Variants in ADCY1 observed in about 807,000 individuals in gnomAD.
The protein encoded by ADCY1 is adenylate cyclase type 1.
Under a neutral mutation model 105.4 loss-of-function variants are expected in ADCY1, and 28 were observed. The observed-to-expected ratio is 0.27, with a 90% CI of 0.20 to 0.36. The LOEUF is 0.36. Among genes scored for constraint, ADCY1 ranks in the 10% least tolerant of loss-of-function variants. The probability of loss-of-function intolerance (pLI) is 1.00; values close to 1 mark genes in which losing one functional copy is unlikely to be tolerated. For missense variants in ADCY1, 977 were observed against 1,434.2 expected, an observed-to-expected ratio of 0.68 and a Z score of 5.15; for synonymous variants, 655 against 623.8, an observed-to-expected ratio of 1.05 and a Z score of -0.75.
chr7:45,661,549 T>G (rs138680701), intron 7 of ADCY1, among the ~76,000 whole-genome samples: 1,783 of 151,906 alleles, frequency 0.012, 13 homozygotes, highest in Middle Eastern at 0.031. Flanking sequence ...CCCCAGCGGG[T>G]GAGTGGGTGA....
intron 1 of ADCY1, among the ~76,000 whole-genome samples, chr7:45,584,297 G>A (rs1792653674): frequency 6.6e-6 from 1 of 152,156 alleles, no homozygotes; most frequent in South Asian, 2.1e-4. Context: ...CCTGCTGCGT[G>A]TGGCACACCC....
chr7:45,661,430 G>A (rs943501521), intron 7 of ADCY1, among the ~76,000 whole-genome samples: 1 of 152,022 alleles, frequency 6.6e-6, no homozygotes, highest in Non-Finnish European at 1.5e-5. Flanking sequence ...TGCTGTGGGG[G>A]TGCAGGAACT....
At chr7:45,711,966 A>G (rs1458690092) in intron 19 of ADCY1, among the ~76,000 whole-genome samples, 2 of 66,850 alleles carry the variant, frequency 3.0e-5, no homozygotes, top group Non-Finnish European at 6.6e-5. Flanking sequence ...TAAATATATA[A>G]ATACATATTA....
chr7:45,697,121 A>C (rs370710873), intron 14 of ADCY1, among the ~76,000 whole-genome samples: 1 of 152,144 alleles, frequency 6.6e-6, no homozygotes, highest in Admixed American at 6.5e-5. Flanking sequence ...AGCTTGATCA[A>C]TTTCCAGCAG....
In ADCY1 at chr7:45,591,391, C is replaced by T. The variant is rs943878199; in HGVS notation, c.640-1368C>T. ...TCTACCTCCTGGACTCGCTTGGTCC[C>T]CGTCAGGTGGCAGCTGCTCCCCACA... On this transcript the variant is annotated intron_variant, in intron 1 of 19. Transcript: ENST00000297323. The surrounding 1 kb of genome is among the most constrained non-coding windows in gnomAD (Gnocchi z 4.1). 3.3e-5 allele frequency among the ~76,000 whole-genome samples: 5 copies of T among 152,208 alleles called. No homozygotes were observed. Among genetic ancestry groups the T allele is most frequent in the African/African-American group, 9.6e-5 (4 of 41,452 alleles).
chr7:45,712,800 C>T (rs1020210110), intron 19 of ADCY1, among the ~76,000 whole-genome samples: 6 of 152,202 alleles, frequency 3.9e-5, no homozygotes, highest in African/African-American at 1.2e-4. Context: ...CCTCTGTTCA[C>T]AGGACTCATT....
Position 45,574,631 on chromosome 7 carries a change from C to G in ADCY1, c.88C>G (p.Arg30Gly), listed in dbSNP as rs1009405655. Reference sequence around the variant, plus strand: ...CGAGCGGGCGGCCGGGACAAGCCGCCGGCGCGGGCTCCGGGCGTGCGACGA... The same window carrying G: ...CGAGCGGGCGGCCGGGACAAGCCGCGGGCGCGGGCTCCGGGCGTGCGACGA... ...GAERAAGTSR[R>G]RGLRACDEEF... Residue 30 changes from arginine to glycine, a missense_variant, in exon 1 of 20, where the codon CGG becomes GGG. Transcript: ENST00000297323. The surrounding 1 kb of genome is among the most constrained non-coding windows in gnomAD (Gnocchi z 7.0). 5.8e-6 allele frequency: 7 copies of G among 1,200,922 alleles called. No individual in the cohort carries two copies. The highest frequency in any genetic ancestry group is 7.2e-6 in the Non-Finnish European group (7 of 969,386). The allele number at this position is 1,200,922 out of a possible 1,614,324, so 74.4% of individuals were successfully genotyped here.
At chr7:45,661,465 G>A (rs1373268770) in intron 7 of ADCY1, among the ~76,000 whole-genome samples, 2 of 152,046 alleles carry the variant, frequency 1.3e-5, no homozygotes, top group East Asian at 1.9e-4. Context: ...AAGACAGGCC[G>A]GCCAGCAGGA....
rs1402633361 is a variant in ADCY1, at chr7:45,662,264, T to A, written c.1605+50T>A. 8 of 1,575,102 alleles carry A rather than the reference T, an allele frequency of 5.1e-6. No individual in the cohort carries two copies. The South Asian group carries it at 8.1e-5, about 16-fold the overall frequency. On this transcript the variant is annotated intron_variant, in intron 8 of 19. Transcript: ENST00000297323. ...ATGCTGGAGCTGCCAGGGACTGATC[T>A]CTGTCCTGCCCTCCCAATATGGCCC... is the stretch of plus-strand genomic sequence containing the variant.
chr7:45,702,516 A>T (rs1448854603), intron 14 of ADCY1, among the ~76,000 whole-genome samples: 1 of 152,246 alleles, frequency 6.6e-6, no homozygotes, highest in African/African-American at 2.4e-5. Context: ...ATGCTGACAC[A>T]TACTTAGAGT....
intron 14 of ADCY1, among the ~76,000 whole-genome samples, chr7:45,687,222 T>C (rs531296220): frequency 2.1e-4 from 32 of 152,326 alleles, no homozygotes; most frequent in African/African-American, 7.2e-4. Flanking sequence ...ACATGTGAAC[T>C]GGCTTCAGGC....
chr7:45,610,347 C>T, intron 2 of ADCY1, 32 bp from the exon 3 acceptor site: 2 of 1,577,746 alleles, frequency 1.3e-6, no homozygotes, highest in Non-Finnish European at 1.7e-6. Flanking sequence ...GGGGGCCCTG[C>T]TGTCTAACCC....
intron 5 of ADCY1, among the ~76,000 whole-genome samples, chr7:45,656,401 A>G (rs1293204675): frequency 6.6e-6 from 1 of 152,254 alleles, no homozygotes; most frequent in Admixed American, 6.5e-5. Flanking sequence ...TGTGGCATGC[A>G]TACTTCTGAG....
chr7:45,683,007 T>A (rs1784591417), intron 11 of ADCY1, among the ~76,000 whole-genome samples: 1 of 152,122 alleles, frequency 6.6e-6, no homozygotes, highest in African/African-American at 2.4e-5. Flanking sequence ...CTCCCTCTCA[T>A]CCTCAGTTGA....
chr7:45,675,642 G>A (rs1584323788), intron 8 of ADCY1, among the ~76,000 whole-genome samples: 2 of 151,638 alleles, frequency 1.3e-5, no homozygotes, highest in East Asian at 3.9e-4. Flanking sequence ...TTGAATTCTG[G>A]GTTGACAGTT....
chr7:45,593,699 C>G (rs970700364), intron 2 of ADCY1, among the ~76,000 whole-genome samples: 2 of 152,214 alleles, frequency 1.3e-5, no homozygotes, highest in African/African-American at 4.8e-5. Flanking sequence ...GCTCATGTCT[C>G]AGGCCTGTAG....
rs1208893699 is a variant in ADCY1 at position 45,575,443 on chromosome 7, GAA to G, written c.639+263_639+264del. Among the ~76,000 whole-genome samples, 2 of 152,264 alleles carry G rather than the reference GAA, an allele frequency of 1.3e-5. No individual in the cohort carries two copies. The highest frequency in any genetic ancestry group is 4.8e-5 in the African/African-American group (2 of 41,480). On this transcript the variant is annotated intron_variant, in intron 1 of 19. Coordinates refer to ENST00000297323, the MANE Select transcript of ADCY1 (RefSeq NM_021116.4). This position sits in a 1 kb window ranked among gnomAD's most constrained non-coding sequence, Gnocchi z 4.7. ...GAGAGGGGAGACAGGTGTGGAGAGAGAAAGGTTTGGCCAAGGTCAGGGAGCTG... is the reference window on the plus strand; with the variant it reads ...GAGAGGGGAGACAGGTGTGGAGAGAGAGGTTTGGCCAAGGTCAGGGAGCTG...
Position 45,583,628 on chromosome 7 carries a change from C to T in ADCY1, c.639+8446C>T, listed in dbSNP as rs552299886. 3.3e-5 allele frequency among the ~76,000 whole-genome samples: 5 copies of T among 152,222 alleles called. No individual in the cohort carries two copies. In the East Asian group the frequency reaches 9.7e-4, roughly 29 times the overall value. On this transcript the variant is annotated intron_variant, in intron 1 of 19. Coordinates refer to ENST00000297323, the MANE Select transcript of ADCY1 (RefSeq NM_021116.4). ...GCCTGGCTTCCTGGTGCTTGGCCAC[C>T]TGGTGTTCTTTTCCCCCTTCTTTTT...
rs1210700725 is a variant in ADCY1 at position 45,704,710 on chromosome 7, GT to G, written c.2817+97del. On this transcript the variant is annotated intron_variant, in intron 17 of 19. Coordinates refer to ENST00000297323, the MANE Select transcript of ADCY1 (RefSeq NM_021116.4). Reference sequence around the variant, plus strand: ...CTGGGTAGCTTCCACACTGGGGTTTGTTTGCCCTCTGTGTTGGATTACAGGA... The same window carrying G: ...CTGGGTAGCTTCCACACTGGGGTTTGTTGCCCTCTGTGTTGGATTACAGGA... The G allele has an allele frequency of 4.8e-5, 47 of 982,462 alleles. No homozygotes were observed. In the South Asian group the frequency reaches 5.8e-4, roughly 12 times the overall value. The allele number at this position is 982,462 out of a possible 1,614,324, so 60.9% of individuals were successfully genotyped here.
Sources: gnomAD v4.1 joint callset for allele counts (sites outside exome capture counted in the v4.1 genomes callset) on GRCh38, gnomAD v4.1.1 for gene constraint, Gnocchi (gnomAD v3.1) non-coding constraint, MANE v1.5 for transcripts, NCBI Gene and HGNC (gene_info 2026-07-23, HGNC 2026-07-21) for gene names.